The following TGFB1 variants were observed in gnomAD, a reference collection of about 807,000 sequenced individuals.
TGFB1 encodes transforming growth factor beta-1 proprotein.
A neutral mutation model predicts 43.8 loss-of-function variants in TGFB1; 19 were observed. The ratio of observed to expected loss-of-function variants is 0.43; its 90% CI spans 0.30 to 0.64. The LOEUF is 0.64. Among genes scored for constraint, TGFB1 ranks in the 30% least tolerant of loss-of-function variants. TGFB1 has a pLI of 0.11. For synonymous variants in TGFB1, 221 were observed against 236.3 expected (o/e 0.94, Z 0.60); for missense variants, 445 against 529.8 (o/e 0.84, Z 1.57).
intron 6 of TGFB1, among the ~76,000 whole-genome samples, 164 bp from the exon 7 acceptor site, chr19:41,331,374 C>T (rs1466452147): frequency 2.6e-5 from 4 of 152,000 alleles, no homozygotes; most frequent in Non-Finnish European, 5.9e-5. Context: ...TTCTAACATC[C>T]TATCTTATTC....
intron 1 of TGFB1, among the ~76,000 whole-genome samples, chr19:41,349,875 AATAG>A (rs1260190395): frequency 2.0e-5 from 3 of 152,176 alleles, no homozygotes; most frequent in Non-Finnish European, 4.4e-5. Context: ...ATACCCGTTT[AATAG>A]ATGAGAAACT....
intron 1 of TGFB1, 91 bp from the exon 2 acceptor site, chr19:41,348,546 G>A (rs1487358510): frequency 8.1e-7 from 1 of 1,231,710 alleles, no homozygotes; most frequent in East Asian, 2.4e-5. Flanking sequence ...GGAGCTGACA[G>A]CTCTGGGGTG....
chr19:41,332,069 C>T, intron 6 of TGFB1, 59 bp downstream of exon 6: 1 of 1,582,600 alleles, frequency 6.3e-7, no homozygotes. Flanking sequence ...TTTCTCTCTC[C>T]TCTTCCTCCG....
intron 5 of TGFB1, among the ~76,000 whole-genome samples, chr19:41,335,458 G>A (rs948395005): frequency 2.0e-5 from 3 of 152,184 alleles, no homozygotes; most frequent in Non-Finnish European, 4.4e-5. Context: ...CTCCACGTGA[G>A]CTCCCAGGAC....
At position 41,352,972 on chromosome 19, in the gene TGFB1, G is replaced by C. The variant is rs1413735402; in HGVS notation, c.73C>G (p.Arg25Gly). The C allele has an allele frequency of 6.5e-7, 1 of 1,543,758 alleles. No individual in the cohort carries two copies. ...LLWLLVLTPG[R>G]PAAGLSTCKT... Reference sequence around the variant, plus strand: ...CAGGTGGATAGTCCCGCGGCCGGCCGGCCAGGCGTCAGCACCAGTAGCCAC... The same window carrying C: ...CAGGTGGATAGTCCCGCGGCCGGCCCGCCAGGCGTCAGCACCAGTAGCCAC... Residue 25 changes from arginine to glycine, a missense_variant, in exon 1 of 7, where the codon CGG becomes GGG. Around this residue, in one of 3 missense-constraint regions of TGFB1, gnomAD observed 366 missense variants for 428.8 expected, o/e 0.85. Coordinates refer to ENST00000221930, the MANE Select transcript of TGFB1 (RefSeq NM_000660.7).
intron 2 of TGFB1, among the ~76,000 whole-genome samples, chr19:41,345,683 C>T (rs1190524414): frequency 2.6e-5 from 4 of 151,756 alleles, no homozygotes; most frequent in South Asian, 4.2e-4. Flanking sequence ...GGGTGGATCT[C>T]CTGAGGTCAG....
rs755689139 is a variant in TGFB1 at position 41,353,045 on chromosome 19, G to C, written c.-1C>G. 1 of 1,523,566 alleles carries C rather than the reference G, an allele frequency of 6.6e-7. No homozygotes were observed. Among genetic ancestry groups the C allele is most frequent in the South Asian group, 1.2e-5 (1 of 82,912 alleles). The allele number at this position is 1,523,566 out of a possible 1,614,324, so 94.4% of individuals were successfully genotyped here. On this transcript the variant is annotated 5_prime_UTR_variant, in exon 1 of 7. Transcript: ENST00000221930. The surrounding 1 kb of genome is among the most constrained non-coding windows in gnomAD (Gnocchi z 5.9). ...GCAGCCGCAGCCCGGAGGGCGGCATGGGGGAGGCGGCGCCCCCCGGCACTG... is the reference window on the plus strand; with the variant it reads ...GCAGCCGCAGCCCGGAGGGCGGCATCGGGGAGGCGGCGCCCCCCGGCACTG...
At chr19:41,333,513 T>C (rs2037958081) in intron 5 of TGFB1, among the ~76,000 whole-genome samples, 1 of 152,086 alleles carries the variant, frequency 6.6e-6, no homozygotes, top group South Asian at 2.1e-4. Flanking sequence ...GCATCTGGCC[T>C]ATTTATTCTT....
Position 41,352,987 on chromosome 19 carries a change from C to G in TGFB1, c.58G>C (p.Val20Leu), listed in dbSNP as rs746102616. ...GCGGCCGGCCGGCCAGGCGTCAGCACCAGTAGCCACAGCAGCGGTAGCAGC... is the reference window on the plus strand; with the variant it reads ...GCGGCCGGCCGGCCAGGCGTCAGCAGCAGTAGCCACAGCAGCGGTAGCAGC... Reference protein sequence around the residue: ...PLLLPLLWLLVLTPGRPAAGL... With the variant: ...PLLLPLLWLLLLTPGRPAAGL... Residue 20 changes from valine to leucine, a missense_variant, in exon 1 of 7, where the codon GTG becomes CTG. By Grantham distance (32) the Val-to-Leu change is conservative. Around this residue, in one of 3 missense-constraint regions of TGFB1, gnomAD observed 366 missense variants for 428.8 expected, o/e 0.85. Transcript: ENST00000221930. 1.8e-5 allele frequency: 27 copies of G among 1,539,580 alleles called. No homozygotes were observed. The highest frequency in any genetic ancestry group is 2.3e-5 in the Non-Finnish European group (26 of 1,146,720).
chr19:41,342,579 A>G (rs1170732957), intron 3 of TGFB1, among the ~76,000 whole-genome samples: 1 of 147,742 alleles, frequency 6.8e-6, no homozygotes, highest in Non-Finnish European at 1.5e-5. Flanking sequence ...CAGTGGCGTG[A>G]TATCAGCTCA....
chr19:41,337,499 A>C (rs1238535441), intron 5 of TGFB1, among the ~76,000 whole-genome samples: 1 of 150,974 alleles, frequency 6.6e-6, no homozygotes, highest in Non-Finnish European at 1.5e-5. Context: ...CTGGTCTCCA[A>C]CTCCTGACCT....
At chr19:41,336,407 C>T (rs2037989150) in intron 5 of TGFB1, among the ~76,000 whole-genome samples, 2 of 140,136 alleles carry the variant, frequency 1.4e-5, no homozygotes, top group East Asian at 2.2e-4. Context: ...TTTTTTGAGA[C>T]AGGATCTCAC....
chr19:41,352,117 C>A (rs371383338), intron 1 of TGFB1, among the ~76,000 whole-genome samples: 2 of 152,048 alleles, frequency 1.3e-5, no homozygotes, highest in East Asian at 3.9e-4. Context: ...CTCTCCCCCA[C>A]CCCCGCATCC....
Position 41,334,412 on chromosome 19 carries a change from A to T in TGFB1, c.861-2131T>A, listed in dbSNP as rs567490524. Among the ~76,000 whole-genome samples the T allele has an allele frequency of 6.0e-5, 9 of 150,718 alleles. No homozygotes were observed. The South Asian group carries it at 1.9e-3, about 32-fold the overall frequency. ...AAAAAAGAAAGAAAAGAAAAGAAAA[A>T]GTTGACAATGCCTTTTTTTTTTTTT... On this transcript the variant is annotated intron_variant, in intron 5 of 6. Transcript: ENST00000221930.
chr19:41,345,688 G>A (rs2123104857), intron 2 of TGFB1, among the ~76,000 whole-genome samples: 1 of 151,406 alleles, frequency 6.6e-6, no homozygotes, highest in East Asian at 2.0e-4. Context: ...GATCTCCTGA[G>A]GTCAGGAGTT....
intron 6 of TGFB1, 92 bp from the exon 7 acceptor site, chr19:41,331,302 CCTCT>C: frequency 2.1e-6 from 3 of 1,396,754 alleles, no homozygotes; most frequent in Non-Finnish European, 2.8e-6. Context: ...ACCGCGCCAG[CCTCT>C]CTCACTTCGT....
chr19:41,340,162 CA>C (rs2038038520), intron 5 of TGFB1, among the ~76,000 whole-genome samples: 1 of 151,992 alleles, frequency 6.6e-6, no homozygotes, highest in Admixed American at 6.6e-5. Context: ...AGGATCTTGG[CA>C]TTCCTGAATT....
chr19:41,342,099 G>A (rs761896338), intron 4 of TGFB1, 69 bp from the exon 5 acceptor site: 6 of 1,613,260 alleles, frequency 3.7e-6, no homozygotes, highest in Non-Finnish European at 1.7e-6. Context: ...GATAAGTGGG[G>A]CGTGGGGCAG....
intron 1 of TGFB1, among the ~76,000 whole-genome samples, chr19:41,350,464 C>T (rs2038174743): frequency 6.6e-6 from 1 of 152,026 alleles, no homozygotes; most frequent in South Asian, 2.1e-4. Flanking sequence ...CCCGCCACCC[C>T]GCCCAGCTAA....
Sources: allele counts gnomAD v4.1 joint callset (sites outside exome capture counted in the v4.1 genomes callset), GRCh38; gene constraint gnomAD v4.1.1; regional missense constraint gnomAD v4.1.1; non-coding constraint Gnocchi (gnomAD v3.1); transcripts MANE v1.5; gene names NCBI Gene and HGNC (gene_info 2026-07-23, HGNC 2026-07-21).